NCALD: variants seen among roughly 807,000 people sequenced by gnomAD.
The protein encoded by NCALD is neurocalcin delta.
NCALD carries 10 observed loss-of-function variants against 18.6 expected under a neutral mutation model. That is an observed-to-expected ratio of 0.54 (90% CI 0.33 to 0.91). The LOEUF (loss-of-function observed/expected upper bound fraction) is 0.91, where lower values mean the gene tolerates loss of function less well. Among genes scored for constraint, NCALD ranks in the 40% least tolerant of loss-of-function variants. The probability of loss-of-function intolerance (pLI) is 0.03; values close to 1 mark genes in which losing one functional copy is unlikely to be tolerated. For missense variants in NCALD, 184 were observed against 247.6 expected (o/e 0.74, Z 1.72); for synonymous variants, 88 against 87.4 (o/e 1.01, Z -0.04).
chr8:102,081,545 TAAAAAA>T (rs770307937), intron 1 of NCALD, among the ~76,000 whole-genome samples: 46 of 68,706 alleles, frequency 6.7e-4, no homozygotes, highest in African/African-American at 3.0e-3. Context: ...CAAATAATGG[TAAAAAA>T]AAAAAAAAAA....
At chr8:101,833,385 G>A (rs542924919) in intron 4 of NCALD, among the ~76,000 whole-genome samples, 4 of 152,216 alleles carry the variant, frequency 2.6e-5, no homozygotes, top group Admixed American at 6.5e-5. Flanking sequence ...TCAAAGTGAT[G>A]CAAAAAGGTT....
At chr8:101,963,817 C>A (rs565484365) in intron 2 of NCALD, among the ~76,000 whole-genome samples, 1 of 152,166 alleles carries the variant, frequency 6.6e-6, no homozygotes, top group South Asian at 2.1e-4. Context: ...GAGAAACCAC[C>A]TGGAAAGATA....
chr8:101,960,153 A>T (rs1665440055), intron 2 of NCALD, among the ~76,000 whole-genome samples: 1 of 152,050 alleles, frequency 6.6e-6, no homozygotes, highest in Non-Finnish European at 1.5e-5. Context: ...CTCCCACATT[A>T]TTCGTTTCTA....
intron 4 of NCALD, among the ~76,000 whole-genome samples, chr8:101,871,327 A>G (rs478896): frequency 0.28 from 42,358 of 152,012 alleles, 6,236 homozygotes; most frequent in East Asian, 0.39. Context: ...ATCTGGAAAG[A>G]CACAAAACAA....
At chr8:101,924,216 C>T (rs1818263150) in intron 2 of NCALD, among the ~76,000 whole-genome samples, 1 of 152,112 alleles carries the variant, frequency 6.6e-6, no homozygotes, top group South Asian at 2.1e-4. Flanking sequence ...TATAAAGATA[C>T]TATATAGTCA....
chr8:102,013,997 G>A (rs1159841084), intron 2 of NCALD, among the ~76,000 whole-genome samples: 3 of 152,296 alleles, frequency 2.0e-5, no homozygotes, highest in African/African-American at 7.2e-5. Context: ...AGAGGAATGG[G>A]TCCTTGCTAT....
At chr8:101,774,619 G>A (rs117646344) in intron 1 of NCALD, among the ~76,000 whole-genome samples, 11 of 152,300 alleles carry the variant, frequency 7.2e-5, no homozygotes, top group East Asian at 1.9e-4. Context: ...AACTTTCAGC[G>A]CCTGCTTGTC....
At chr8:101,898,423 G>C (rs1817291117) in intron 3 of NCALD, among the ~76,000 whole-genome samples, 1 of 151,876 alleles carries the variant, frequency 6.6e-6, no homozygotes, top group Non-Finnish European at 1.5e-5. Flanking sequence ...CTTTAATCTA[G>C]GTACGTGTTT....
chr8:101,845,773 T>C (rs529140771), intron 4 of NCALD, among the ~76,000 whole-genome samples: 1 of 152,194 alleles, frequency 6.6e-6, no homozygotes, highest in Non-Finnish European at 1.5e-5. Context: ...ATAGAACTTA[T>C]TCTTTCCATC....
chr8:102,047,117 G>A (rs1823272716), intron 1 of NCALD, among the ~76,000 whole-genome samples: 1 of 151,846 alleles, frequency 6.6e-6, no homozygotes, highest in Non-Finnish European at 1.5e-5. Context: ...AATAATAGCA[G>A]CATTGGTGTT....
chr8:102,005,621 C>G (rs1821671404), intron 2 of NCALD, among the ~76,000 whole-genome samples: 1 of 152,144 alleles, frequency 6.6e-6, no homozygotes, highest in African/African-American at 2.4e-5. Flanking sequence ...AGACTTGGAA[C>G]TAACCCAAAT....
At chr8:101,752,138 T>C (rs1213453199) in intron 1 of NCALD, among the ~76,000 whole-genome samples, 2 of 152,164 alleles carry the variant, frequency 1.3e-5, no homozygotes, top group Non-Finnish European at 2.9e-5. Flanking sequence ...TTCTAAATGA[T>C]CCTTGCTAAG....
chr8:101,978,908 A>G (rs1311813263), intron 2 of NCALD, among the ~76,000 whole-genome samples: 1 of 152,270 alleles, frequency 6.6e-6, no homozygotes, highest in African/African-American at 2.4e-5. Context: ...ATAGCAATAC[A>G]TAACTGTCTG....
intron 4 of NCALD, among the ~76,000 whole-genome samples, chr8:101,882,718 G>A (rs2131466391): frequency 6.6e-6 from 1 of 152,250 alleles, no homozygotes; most frequent in Non-Finnish European, 1.5e-5. Context: ...TCTGACTTTT[G>A]CAAACAAGAC....
At chr8:101,710,355 C>T (rs139242192) in intron 2 of NCALD, among the ~76,000 whole-genome samples, 5 of 152,138 alleles carry the variant, frequency 3.3e-5, no homozygotes, top group East Asian at 3.9e-4. Flanking sequence ...GCAGACAACA[C>T]GCTAGCTGCA....
chr8:101,856,399 T>C (rs558159), intron 4 of NCALD, among the ~76,000 whole-genome samples: 61,135 of 151,946 alleles, frequency 0.4, 15,494 homozygotes, highest in African/African-American at 0.71. Context: ...CCTTGAACTC[T>C]TGGCCTCAAG....
At chr8:102,041,429 T>C (rs1823045422) in intron 1 of NCALD, among the ~76,000 whole-genome samples, 1 of 152,256 alleles carries the variant, frequency 6.6e-6, no homozygotes, top group African/African-American at 2.4e-5. Context: ...CCCAAATGCC[T>C]GCAGGATGTG....
intron 2 of NCALD, among the ~76,000 whole-genome samples, chr8:102,010,872 T>C (rs1821880743): frequency 6.6e-6 from 1 of 152,222 alleles, no homozygotes; most frequent in Non-Finnish European, 1.5e-5. Flanking sequence ...GAGGTCACCA[T>C]ACACACTAAC....
intron 1 of NCALD, among the ~76,000 whole-genome samples, chr8:101,766,196 A>C (rs1010989497): frequency 3.9e-5 from 6 of 152,218 alleles, no homozygotes; most frequent in Non-Finnish European, 8.8e-5. Flanking sequence ...ATCATATCTG[A>C]GTATGACATG....
Sources: gnomAD v4.1 joint callset for allele counts (sites outside exome capture counted in the v4.1 genomes callset) on GRCh38, gnomAD v4.1.1 for gene constraint, MANE v1.5 for transcripts, NCBI Gene and HGNC (gene_info 2026-07-23, HGNC 2026-07-21) for gene names.